STK10: variants seen among roughly 807,000 people sequenced by gnomAD.
The protein encoded by STK10 is serine/threonine kinase 10.
Under a neutral mutation model 113.8 loss-of-function variants are expected in STK10, and 78 were observed. The observed-to-expected ratio is 0.69, with a 90% CI of 0.57 to 0.83. STK10 has a LOEUF of 0.83. STK10 is among the 40% of genes least tolerant of loss of function. The pLI, the probability that STK10 is intolerant of heterozygous loss-of-function variation, is 0.00. For synonymous variants in STK10, 465 were observed against 494.7 expected (o/e 0.94, Z 0.80); for missense variants, 1,109 against 1,280.1 (o/e 0.87, Z 2.04).
At chr5:172,058,192 C>T (rs1767849457) in intron 14 of STK10, among the ~76,000 whole-genome samples, 1 of 152,154 alleles carries the variant, frequency 6.6e-6, no homozygotes, top group Non-Finnish European at 1.5e-5. Context: ...TATTTCACTG[C>T]ATTCCTGTTC....
intron 1 of STK10, among the ~76,000 whole-genome samples, chr5:172,174,804 T>A (rs1770730494): frequency 6.6e-6 from 1 of 151,920 alleles, no homozygotes; most frequent in South Asian, 2.1e-4. Context: ...ATGGCAATGG[T>A]CCGGAAGCAG....
At chr5:172,155,994 C>CA (rs769699877) in intron 2 of STK10, among the ~76,000 whole-genome samples, 276 of 130,464 alleles carry the variant, frequency 2.1e-3, no homozygotes, top group Non-Finnish European at 2.8e-3. Flanking sequence ...GGCTCCATCT[C>CA]AAAAAAAAAA....
At chr5:172,048,413 C>CCACACA in intron 18 of STK10, among the ~76,000 whole-genome samples, 1 of 37,952 alleles carries the variant, frequency 2.6e-5, no homozygotes, top group Non-Finnish European at 5.3e-5. Context: ...CTCCCTCTCC[C>CCACACA]TACACACACA....
intron 4 of STK10, among the ~76,000 whole-genome samples, chr5:172,110,284 G>C (rs1769210554): frequency 6.6e-6 from 1 of 152,222 alleles, no homozygotes; most frequent in Non-Finnish European, 1.5e-5. Flanking sequence ...CGGTCATGGA[G>C]GGAGGGCTGG....
chr5:172,160,543 C>G (rs1471000265), intron 1 of STK10, among the ~76,000 whole-genome samples: 1 of 152,034 alleles, frequency 6.6e-6, no homozygotes, highest in Non-Finnish European at 1.5e-5. Context: ...TATTGCAAAG[C>G]ACAGGGAAAA....
chr5:172,055,027 G>C (rs1767714003), intron 16 of STK10, among the ~76,000 whole-genome samples: 1 of 152,216 alleles, frequency 6.6e-6, no homozygotes, highest in African/African-American at 2.4e-5. Flanking sequence ...CCAAATAAAA[G>C]TGTGGGAGTG....
chr5:172,138,431 A>G (rs1769913590), intron 2 of STK10, among the ~76,000 whole-genome samples: 2 of 152,124 alleles, frequency 1.3e-5, no homozygotes, highest in African/African-American at 4.8e-5. Context: ...CAATAAAATT[A>G]TTTCTGTTGG....
Position 172,187,976 on chromosome 5 carries a change from A to G in STK10, c.67T>C (p.Tyr23His), listed in dbSNP as rs1770989909. ...STFEKRKSRE[Y>H]EHVRRDLDPN... ...TCCAGGTCGCGGCGGACGTGCTCAT[A>G]TTCGCGGGACTTTCTCTTCTCGAAG... The change falls in exon 1 of 19, where the codon TAT becomes CAT. Residue 23 changes from tyrosine to histidine, a missense_variant. By Grantham distance (83) the Tyr-to-His change is moderately conservative. Coordinates refer to ENST00000176763, the MANE Select transcript of STK10 (RefSeq NM_005990.4). This position sits in a 1 kb window ranked among gnomAD's most constrained non-coding sequence, Gnocchi z 4.6. The G allele has an allele frequency of 6.2e-7, 1 of 1,613,434 alleles. No homozygotes were observed.
At chr5:172,053,131 C>T in intron 17 of STK10, 89 bp from the exon 18 acceptor site, 1 of 956,554 alleles carries the variant, frequency 1.0e-6, no homozygotes, top group Non-Finnish European at 1.6e-6. Flanking sequence ...GCTACGAGGG[C>T]ACCAGCATCG....
In STK10 at chr5:172,106,609, C is replaced by T. The variant is rs190751393; in HGVS notation, c.788+11G>A. On this transcript the variant is annotated intron_variant, in intron 6 of 18. Coordinates refer to ENST00000176763, the MANE Select transcript of STK10 (RefSeq NM_005990.4). ...GGCACCCCGGCAGGTGGCCCTGCCC[C>T]TGCCCCTCACCACTTAGAGGGCGTG... 9.3e-6 allele frequency: 15 copies of T among 1,609,768 alleles called. 1 individual carries two copies. The East Asian group carries it at 1.6e-4, about 17-fold the overall frequency.
chr5:172,151,297 C>A (rs1269217602), intron 2 of STK10, among the ~76,000 whole-genome samples: 1 of 152,096 alleles, frequency 6.6e-6, no homozygotes, highest in Non-Finnish European at 1.5e-5. Flanking sequence ...GGATTGCGAA[C>A]CTGCAGGCTT....
intron 2 of STK10, among the ~76,000 whole-genome samples, chr5:172,144,462 C>T (rs1054704142): frequency 6.6e-6 from 1 of 152,202 alleles, no homozygotes. Context: ...TGGAGGCAGA[C>T]ACCAAAAAAC....
intron 1 of STK10, among the ~76,000 whole-genome samples, chr5:172,161,311 G>A (rs1268595910): frequency 6.6e-6 from 1 of 152,102 alleles, no homozygotes; most frequent in African/African-American, 2.4e-5. Context: ...AAATTAGCCA[G>A]GCGTGGTGGT....
chr5:172,077,362 T>G (rs73319878), intron 12 of STK10, among the ~76,000 whole-genome samples: 6,513 of 152,230 alleles, frequency 0.043, 499 homozygotes, highest in African/African-American at 0.15. Flanking sequence ...GAAAACAGAG[T>G]TCTGGAAAGA....
chr5:172,096,384 G>T (rs1357497474), intron 8 of STK10, 42 bp downstream of exon 8: 2 of 1,602,074 alleles, frequency 1.2e-6, no homozygotes, highest in African/African-American at 2.7e-5. Context: ...CTGAGATCCT[G>T]TCCTCCCAGC....
chr5:172,123,479 G>C (rs1769558697), intron 3 of STK10, among the ~76,000 whole-genome samples: 1 of 152,174 alleles, frequency 6.6e-6, no homozygotes, highest in Non-Finnish European at 1.5e-5. Context: ...CGAGGACACA[G>C]TACACTTCCA....
At position 172,064,711 on chromosome 5, in the gene STK10, G is replaced by A; in HGVS notation, c.2082+9C>T. ...CCCCTGCGCTCCCCAGCTGAGGCCA[G>A]GGACTCACAAGAAGCTGCTTTTTCT... On this transcript the variant is annotated intron_variant, in intron 13 of 18. Coordinates refer to ENST00000176763, the MANE Select transcript of STK10 (RefSeq NM_005990.4). The A allele has an allele frequency of 6.2e-7, 1 of 1,613,844 alleles. No homozygotes were observed. Among genetic ancestry groups the A allele is most frequent in the Non-Finnish European group, 8.5e-7 (1 of 1,179,842 alleles).
intron 15 of STK10, chr5:172,057,077 GAA>G (rs1312524519): frequency 9.9e-6 from 3 of 304,464 alleles, no homozygotes; most frequent in Non-Finnish European, 1.8e-5. Flanking sequence ...AAAAAGAAAA[GAA>G]AGAGACATAC....
chr5:172,150,225 A>G (rs1770191017), intron 2 of STK10, among the ~76,000 whole-genome samples: 1 of 151,868 alleles, frequency 6.6e-6, no homozygotes, highest in Admixed American at 6.6e-5. Context: ...TCACGCCTGT[A>G]ATCCCAGCAC....
Sources: gnomAD v4.1 joint callset for allele counts (sites outside exome capture counted in the v4.1 genomes callset) on GRCh38, gnomAD v4.1.1 for gene constraint, Gnocchi (gnomAD v3.1) non-coding constraint, MANE v1.5 for transcripts, NCBI Gene and HGNC (gene_info 2026-07-23, HGNC 2026-07-21) for gene names.